CCDC144A: variants seen among roughly 807,000 people sequenced by gnomAD.
CCDC144A encodes coiled-coil domain-containing protein 144A.
A neutral mutation model predicts 143.8 loss-of-function variants in CCDC144A; 41 were observed. The ratio of observed to expected loss-of-function variants is 0.29; its 90% CI spans 0.22 to 0.37. The LOEUF is 0.37. Among genes scored for constraint, CCDC144A ranks in the 10% least tolerant of loss-of-function variants. The pLI is 1.00. For missense variants in CCDC144A, 637 were observed against 1,488.8 expected (o/e 0.43, Z 9.41); for synonymous variants, 242 against 517.9 (o/e 0.47, Z 7.23).
intron 12 of CCDC144A, among the ~76,000 whole-genome samples, chr17:16,757,728 G>A (rs983663549): frequency 1.3e-5 from 2 of 152,256 alleles, no homozygotes; most frequent in African/African-American, 4.8e-5. Flanking sequence ...TGCCCCTGAA[G>A]GGGATAGGGC....
Position 16,690,496 on chromosome 17 carries a change from G to A in CCDC144A, c.96G>A (p.Gln32=). The A allele has an allele frequency of 6.2e-7, 1 of 1,611,142 alleles. No homozygotes were observed. The highest frequency in any genetic ancestry group is 1.3e-5 in the African/African-American group (1 of 74,994). Residue 32 remains glutamine, a synonymous_variant, in exon 1 of 17, where the codon CAG becomes CAA. Transcript: ENST00000399273. ...ATRKTPSVGS[Q]GDQWYLGYPG... is the part of the protein sequence containing the mutation. ...GGAAGACCCCTAGCGTCGGGAGCCA[G>A]GGGGACCAGTGGTACTTGGGCTACC...
intron 8 of CCDC144A, 48 bp downstream of exon 8, chr17:16,720,706 A>G: frequency 1.4e-5 from 22 of 1,561,424 alleles, no homozygotes; most frequent in Middle Eastern, 1.7e-4. Flanking sequence ...TCCTGCAGTA[A>G]TGTGTGTATA....
At chr17:16,716,678 G>A (rs1449148853) in intron 6 of CCDC144A, among the ~76,000 whole-genome samples, 2 of 151,644 alleles carry the variant, frequency 1.3e-5, no homozygotes, top group African/African-American at 4.8e-5. Flanking sequence ...TGTAATATGT[G>A]CCTGTTATTT....
intron 15 of CCDC144A, 100 bp downstream of exon 15, chr17:16,764,275 A>C: frequency 6.5e-7 from 1 of 1,534,994 alleles, no homozygotes; most frequent in Non-Finnish European, 8.8e-7. Context: ...TGGTAAGTAA[A>C]AGTAATAATT....
intron 2 of CCDC144A, among the ~76,000 whole-genome samples, chr17:16,698,244 A>G (rs562096403): frequency 6.6e-6 from 1 of 152,256 alleles, no homozygotes; most frequent in Non-Finnish European, 1.5e-5. Flanking sequence ...GTGGCTAAAG[A>G]AAAAGAGGAG....
chr17:16,736,235 CTTTT>C (rs71214289), intron 12 of CCDC144A, among the ~76,000 whole-genome samples: 15 of 98,182 alleles, frequency 1.5e-4, no homozygotes, highest in Non-Finnish European at 2.8e-4. Context: ...AAGGCATTTA[CTTTT>C]TTTTTTTTTT....
chr17:16,685,003 C>A (rs1468014213), upstream of CCDC144A, among the ~76,000 whole-genome samples: 1 of 152,186 alleles, frequency 6.6e-6, no homozygotes, highest in East Asian at 1.9e-4. Context: ...GCATTTGATT[C>A]TTTTCCTTAT....
rs565240797 is a variant in CCDC144A at position 16,701,732 on chromosome 17, A to G, written c.416-3419A>G. Among the ~76,000 whole-genome samples the G allele has an allele frequency of 3.0e-3, 451 of 151,862 alleles. 3 individuals are homozygous for G. The highest frequency in any genetic ancestry group is 9.4e-3 in the African/African-American group (389 of 41,450). ...GTTCATCAGAACAGGATCTGATGGC[A>G]TATGATTTGACGTGCTGAGAAAGCG... On this transcript the variant is annotated intron_variant, in intron 2 of 16. Coordinates refer to ENST00000399273, the MANE Select transcript of CCDC144A (RefSeq NM_001382000.1).
Position 16,720,595 on chromosome 17 carries a change from T to C in CCDC144A, c.1828T>C (p.Leu610=), listed in dbSNP as rs1244861620. The stretch of plus-strand genomic sequence containing the variant: ...TGAAATAGCCTCAGAGGATTGTGAA[T>C]TGTCTCACTCTGTTTATGAGAATTT... ...PSEIASEDCE[L]SHSVYENFML... The change falls in exon 8 of 17, where the codon TTG becomes CTG. Residue 610 remains leucine (L), a synonymous_variant. Coordinates refer to ENST00000399273, the MANE Select transcript of CCDC144A (RefSeq NM_001382000.1). The C allele has an allele frequency of 1.2e-6, 2 of 1,610,564 alleles. No individual in the cohort carries two copies. The highest frequency in any genetic ancestry group is 1.7e-6 in the Non-Finnish European group (2 of 1,178,214).
At chr17:16,736,893 T>C (rs566804268) in intron 12 of CCDC144A, among the ~76,000 whole-genome samples, 1 of 152,222 alleles carries the variant, frequency 6.6e-6, no homozygotes, top group South Asian at 2.1e-4. Flanking sequence ...ATTTTACCAG[T>C]GTGGGATGTA....
chr17:16,674,488 CTTG>C, the CCDC144A span, among the ~76,000 whole-genome samples: 1 of 147,034 alleles, frequency 6.8e-6, no homozygotes, highest in Non-Finnish European at 1.5e-5. Flanking sequence ...TTAAGTGAGC[CTTG>C]TTAGCACCAC....
upstream of CCDC144A, among the ~76,000 whole-genome samples, chr17:16,688,798 T>A (rs936253308): frequency 7.9e-5 from 12 of 152,170 alleles, no homozygotes; most frequent in Non-Finnish European, 1.8e-4. Context: ...ACAGATATTT[T>A]GTAAATGATT....
At chr17:16,736,547 C>T (rs1355736846) in intron 12 of CCDC144A, among the ~76,000 whole-genome samples, 3 of 151,272 alleles carry the variant, frequency 2.0e-5, no homozygotes, top group Non-Finnish European at 4.4e-5. Context: ...TCATAATTTT[C>T]ATTTCAAGGC....
intron 12 of CCDC144A, among the ~76,000 whole-genome samples, chr17:16,756,128 T>TATCCAGATG (rs1467842521): frequency 6.6e-6 from 1 of 152,212 alleles, no homozygotes; most frequent in Non-Finnish European, 1.5e-5. Context: ...GAGACATCTG[T>TATCCAGATG]ATCCAGATGT....
Position 16,709,178 on chromosome 17 carries a change from A to T in CCDC144A, c.1121A>T (p.His374Leu). The T allele has an allele frequency of 6.2e-7, 1 of 1,611,726 alleles. No individual in the cohort carries two copies. Among genetic ancestry groups the T allele is most frequent in the Non-Finnish European group, 8.5e-7 (1 of 1,179,658 alleles). ...GAACCCAGTCTCAAAAATATCATCC[A>T]TCCATACTATCATCCATACTCTGGG... Reference protein sequence around the residue: ...QKEPSLKNIIHPYYHPYSGSQ... With the variant: ...QKEPSLKNIILPYYHPYSGSQ... The change falls in exon 5 of 17, where the codon CAT becomes CTT. Residue 374 changes from histidine to leucine, a missense_variant. By Grantham distance (99) the His-to-Leu change is moderately conservative (BLOSUM62 -3). Transcript: ENST00000399273.
At chr17:16,679,471 T>G in the CCDC144A span, among the ~76,000 whole-genome samples, 2 of 152,086 alleles carry the variant, frequency 1.3e-5, no homozygotes, top group African/African-American at 4.8e-5. Flanking sequence ...TAATTTTTTT[T>G]TTTTCCTGAG....
rs1597578346 is a variant in CCDC144A at position 16,745,917 on chromosome 17, C to T, written c.3372+10274C>T. Reference sequence around the variant, plus strand: ...TTTCCCCCATCTCTGCTCATCCTCACTCCTTCTGGAAAGCCGGTCAGGCTC... The same window carrying T: ...TTTCCCCCATCTCTGCTCATCCTCATTCCTTCTGGAAAGCCGGTCAGGCTC... On this transcript the variant is annotated intron_variant, in intron 12 of 16. Coordinates refer to ENST00000399273, the MANE Select transcript of CCDC144A (RefSeq NM_001382000.1). 4 of 1,602,738 alleles carry T rather than the reference C, an allele frequency of 2.5e-6. No homozygotes were observed. In the East Asian group the frequency reaches 9.0e-5, roughly 36 times the overall value.
chr17:16,734,017 T>C (rs1913878148), intron 11 of CCDC144A, among the ~76,000 whole-genome samples: 1 of 151,770 alleles, frequency 6.6e-6, no homozygotes, highest in Non-Finnish European at 1.5e-5. Flanking sequence ...GGTGTGTGCC[T>C]CTAGTTCAGC....
chr17:16,746,332 A>G (rs744526), intron 12 of CCDC144A: 1 of 937,668 alleles, frequency 1.1e-6, no homozygotes, highest in Non-Finnish European at 1.4e-6. Flanking sequence ...GCAAACGTTT[A>G]TTTTCTAACT....
Sources: gnomAD v4.1 joint callset for allele counts (sites outside exome capture counted in the v4.1 genomes callset) on GRCh38, gnomAD v4.1.1 for gene constraint, MANE v1.5 for transcripts, NCBI Gene and HGNC (gene_info 2026-07-23, HGNC 2026-07-21) for gene names.